The following CCDC60 variants were observed in gnomAD, a reference collection of about 807,000 sequenced individuals.
CCDC60 encodes the protein coiled-coil domain containing 60.
CCDC60 carries 54 observed loss-of-function variants against 63.5 expected under a neutral mutation model. The ratio of observed to expected loss-of-function variants is 0.85; its 90% confidence interval spans 0.68 to 1.07. The LOEUF (loss-of-function observed/expected upper bound fraction) is 1.07, where lower values mean the gene tolerates loss of function less well. Ranked by LOEUF, CCDC60 falls within the 50% of genes least tolerant of loss-of-function variation. CCDC60 has a pLI of 0.00. For missense variants in CCDC60, 651 were observed against 684.3 expected, an observed-to-expected ratio of 0.95 and a Z score of 0.54; for synonymous variants, 206 against 238.8, an observed-to-expected ratio of 0.86 and a Z score of 1.27.
At chr12:119,435,606 A>G (rs1292209562) in intron 2 of CCDC60, among the ~76,000 whole-genome samples, 3 of 152,234 alleles carry the variant, frequency 2.0e-5, no homozygotes, top group African/African-American at 4.8e-5. Flanking sequence ...TTATATTTAC[A>G]TAGCATCTTA....
intron 1 of CCDC60, among the ~76,000 whole-genome samples, chr12:119,373,014 T>C (rs1380758126): frequency 6.6e-6 from 1 of 152,178 alleles, no homozygotes; most frequent in African/African-American, 2.4e-5. Flanking sequence ...TGGCAGTGCA[T>C]GAGTACCACA....
intron 1 of CCDC60, among the ~76,000 whole-genome samples, chr12:119,388,560 T>A (rs34584559): frequency 5.9e-5 from 9 of 152,238 alleles, no homozygotes; most frequent in Non-Finnish European, 1.2e-4. Context: ...ATATTCATTG[T>A]TTATTTATAT....
At chr12:119,357,358 A>G (rs896494644) in intron 1 of CCDC60, among the ~76,000 whole-genome samples, 1 of 152,074 alleles carries the variant, frequency 6.6e-6, no homozygotes, top group African/African-American at 2.4e-5. Flanking sequence ...ATCTAACTAT[A>G]TGTTTATACC....
At chr12:119,495,618 C>T (rs1316391322) in intron 5 of CCDC60, among the ~76,000 whole-genome samples, 1 of 152,158 alleles carries the variant, frequency 6.6e-6, no homozygotes, top group Admixed American at 6.5e-5. Context: ...TCGTTCTGAG[C>T]AGCACTCATA....
At chr12:119,350,472 A>G (rs1312777997) in intron 1 of CCDC60, among the ~76,000 whole-genome samples, 1 of 152,028 alleles carries the variant, frequency 6.6e-6, no homozygotes, top group Non-Finnish European at 1.5e-5. Flanking sequence ...ACCTCAAGTG[A>G]TCTGCCTGCC....
At chr12:119,447,671 A>G (rs1950566012) in intron 2 of CCDC60, 1 of 152,284 alleles carries the variant, frequency 6.6e-6, no homozygotes, top group African/African-American at 2.4e-5. Context: ...AAAAAAACAT[A>G]TTGAACCGGT....
chr12:119,383,864 A>G (rs76064290), intron 1 of CCDC60, among the ~76,000 whole-genome samples: 1 of 152,168 alleles, frequency 6.6e-6, no homozygotes, highest in Non-Finnish European at 1.5e-5. Context: ...TGGGGTGTCC[A>G]TGGGTTTCTT....
chr12:119,457,244 G>A (rs1230334357), intron 2 of CCDC60, among the ~76,000 whole-genome samples: 1 of 152,170 alleles, frequency 6.6e-6, no homozygotes, highest in Non-Finnish European at 1.5e-5. Flanking sequence ...CAACTAAAGG[G>A]ACTTCTCCTC....
At chr12:119,412,778 C>A in intron 1 of CCDC60, among the ~76,000 whole-genome samples, 1 of 134,608 alleles carries the variant, frequency 7.4e-6, no homozygotes, top group African/African-American at 2.7e-5. Flanking sequence ...CCCCCACCCC[C>A]CCATGCAGGA....
chr12:119,458,595 G>C (rs1311679365), intron 2 of CCDC60, among the ~76,000 whole-genome samples: 1 of 152,108 alleles, frequency 6.6e-6, no homozygotes, highest in African/African-American at 2.4e-5. Context: ...CTGAGAAGAG[G>C]GCTGGGAAGG....
chr12:119,520,360 C>A (rs934290032), intron 9 of CCDC60, among the ~76,000 whole-genome samples, 168 bp downstream of exon 9: 1 of 151,876 alleles, frequency 6.6e-6, no homozygotes, highest in Non-Finnish European at 1.5e-5. Flanking sequence ...CAGGGCCGGG[C>A]GTGGGAATTC....
chr12:119,487,489 G>A (rs1951478609), intron 4 of CCDC60, among the ~76,000 whole-genome samples: 2 of 151,954 alleles, frequency 1.3e-5, no homozygotes, highest in South Asian at 4.2e-4. Flanking sequence ...ATAGAGATGG[G>A]GGTTTCACCA....
intron 1 of CCDC60, chr12:119,402,356 G>A (rs1351559828): frequency 6.6e-6 from 1 of 152,188 alleles, no homozygotes; most frequent in South Asian, 2.1e-4. Context: ...GTGTATTCTT[G>A]TCCTGAGTCT....
chr12:119,370,573 C>T (rs1020005900), intron 1 of CCDC60, among the ~76,000 whole-genome samples: 2 of 152,268 alleles, frequency 1.3e-5, no homozygotes, highest in Admixed American at 1.3e-4. Context: ...GAAGGGGTCA[C>T]GTGGATGGAG....
chr12:119,362,730 T>G (rs1174034639), intron 1 of CCDC60, among the ~76,000 whole-genome samples: 1 of 152,210 alleles, frequency 6.6e-6, no homozygotes, highest in East Asian at 1.9e-4. Flanking sequence ...TCTTGGACAT[T>G]CTTTTACATG....
intron 3 of CCDC60, among the ~76,000 whole-genome samples, chr12:119,472,406 T>A (rs568123958): frequency 6.6e-6 from 1 of 152,178 alleles, no homozygotes; most frequent in African/African-American, 2.4e-5. Context: ...TCCGAATACT[T>A]CCTGGATTTC....
chr12:119,339,152 A>C (rs1955505520), intron 1 of CCDC60, among the ~76,000 whole-genome samples: 1 of 152,192 alleles, frequency 6.6e-6, no homozygotes, highest in Non-Finnish European at 1.5e-5. Flanking sequence ...CTAAGGAAGC[A>C]GACGAAGTCT....
chr12:119,524,294 C>A, intron 11 of CCDC60: 1 of 194,396 alleles, frequency 5.1e-6, no homozygotes, highest in Non-Finnish European at 9.4e-6. Flanking sequence ...GCCACAAATG[C>A]CAGAGTTATG....
rs1566019597 is a variant in CCDC60 at position 119,456,056 on chromosome 12, A to AAGC, written c.171-15937_171-15936insGCA. Among the ~76,000 whole-genome samples, 239 of 96,870 alleles carry AAGC rather than the reference A, an allele frequency of 2.5e-3. 8 individuals are homozygous for AAGC. Among genetic ancestry groups the AAGC allele is most frequent in the East Asian group, 0.012 (26 of 2,124 alleles). 63.6% of individuals were successfully genotyped at this position (96,870 alleles called of 152,430 possible). ...GAAAGAAAGAAAGAAAGAAAGAAAGAAAGAAAGCAAGCAAGCATGTGCAAT... is the reference window on the plus strand; with the variant it reads ...GAAAGAAAGAAAGAAAGAAAGAAAGAAGCAAGAAAGCAAGCAAGCATGTGCAAT... On this transcript the variant is annotated intron_variant, in intron 2 of 13. Coordinates refer to ENST00000327554, the MANE Select transcript of CCDC60 (RefSeq NM_178499.5). The surrounding 1 kb of genome is among the most constrained non-coding windows in gnomAD (Gnocchi z 4.6).
Sources: gnomAD v4.1 joint callset for allele counts (sites outside exome capture counted in the v4.1 genomes callset) on GRCh38, gnomAD v4.1.1 for gene constraint, Gnocchi (gnomAD v3.1) non-coding constraint, MANE v1.5 for transcripts, NCBI Gene and HGNC (gene_info 2026-07-23, HGNC 2026-07-21) for gene names.